Variants in LIPA observed in about 807,000 individuals in gnomAD.
LIPA encodes lysosomal acid lipase/cholesteryl ester hydrolase.
Under a neutral mutation model 40.6 loss-of-function variants are expected in LIPA, and 26 were observed. That is an observed-to-expected ratio of 0.64 (90% CI 0.47 to 0.89). The LOEUF is 0.89. Ranked by LOEUF, LIPA falls within the 40% of genes least tolerant of loss-of-function variation. LIPA has a pLI of 0.00. For missense variants in LIPA, 455 were observed against 479.6 expected (o/e 0.95, Z 0.48); for synonymous variants, 188 against 168.4 (o/e 1.12, Z -0.90).
At chr10:89,320,905 A>G (rs1338387115) in intron 1 of LIPA, among the ~76,000 whole-genome samples, 1 of 152,090 alleles carries the variant, frequency 6.6e-6, no homozygotes, top group Non-Finnish European at 1.5e-5. Flanking sequence ...GCCCTCAGAA[A>G]TAATACCACA....
intron 1 of LIPA, among the ~76,000 whole-genome samples, chr10:89,262,383 C>T (rs1843215313): frequency 6.6e-6 from 1 of 152,226 alleles, no homozygotes; most frequent in African/African-American, 2.4e-5. Context: ...TTTGCCTCTG[C>T]ATTCTCCATT....
At chr10:89,221,026 A>G (rs752736863) in intron 8 of LIPA, among the ~76,000 whole-genome samples, 2 of 152,066 alleles carry the variant, frequency 1.3e-5, no homozygotes, top group East Asian at 1.9e-4. Context: ...CTAAGCTACA[A>G]TGACAGGAAG....
At chr10:89,388,113 C>T (rs1033912131) in intron 2 of LIPA, among the ~76,000 whole-genome samples, 3 of 149,366 alleles carry the variant, frequency 2.0e-5, no homozygotes, top group Admixed American at 6.7e-5. Flanking sequence ...GAAAAAAATT[C>T]TTTTTTTTTT....
chr10:89,239,911 A>C (rs1246324352), intron 3 of LIPA, among the ~76,000 whole-genome samples: 1 of 152,166 alleles, frequency 6.6e-6, no homozygotes, highest in Non-Finnish European at 1.5e-5. Flanking sequence ...TCTCCATGCC[A>C]AATTGCCTGT....
chr10:89,370,180 T>C (rs895196162), intron 2 of LIPA, among the ~76,000 whole-genome samples: 3 of 152,282 alleles, frequency 2.0e-5, no homozygotes, highest in South Asian at 2.1e-4. Flanking sequence ...TAGTAATATA[T>C]AGCTAGCGGT....
intron 1 of LIPA, among the ~76,000 whole-genome samples, chr10:89,317,719 C>T (rs1337970973): frequency 6.6e-6 from 1 of 152,108 alleles, no homozygotes; most frequent in Admixed American, 6.6e-5. Flanking sequence ...ACGGAGAACG[C>T]CACAAAGATA....
chr10:89,356,681 A>G (rs571221027), intron 2 of LIPA, among the ~76,000 whole-genome samples: 19 of 152,192 alleles, frequency 1.2e-4, no homozygotes, highest in Admixed American at 3.9e-4. Flanking sequence ...CTGATTCTAC[A>G]TTATAGTGAG....
Position 89,328,228 on chromosome 10 carries a change from G to T in LIPA, c.-2+14383C>A. ...TCTGAGCATTTGTAAGATGTTTGAG[G>T]GGTTTTTCCCTGTGGCTTTTTTTGG... On this transcript the variant is annotated intron_variant, in intron 1 of 5. Coordinates refer to the LIPA transcript ENST00000282673. 3 of 865,618 alleles carry T rather than the reference G, an allele frequency of 3.5e-6. No individual in the cohort carries two copies. In the East Asian group the frequency reaches 8.3e-5, roughly 24 times the overall value. 53.6% of individuals were successfully genotyped at this position (865,618 alleles called of 1,614,324 possible).
At chr10:89,312,758 G>A (rs1015815538) in intron 1 of LIPA, among the ~76,000 whole-genome samples, 3 of 151,414 alleles carry the variant, frequency 2.0e-5, no homozygotes, top group Admixed American at 6.6e-5. Flanking sequence ...GCAGTGAGCC[G>A]AGATTGCACC....
chr10:89,403,721 A>C (rs1844482303), intron 2 of LIPA: 1 of 1,430,950 alleles, frequency 7.0e-7, no homozygotes, highest in South Asian at 1.3e-5. Context: ...AGGCACCCAG[A>C]TATCAGCCAC....
intron 1 of LIPA, among the ~76,000 whole-genome samples, chr10:89,276,475 A>G (rs541070339): frequency 1.4e-4 from 21 of 152,360 alleles, no homozygotes; most frequent in African/African-American, 5.1e-4. Context: ...TTGGTTAACT[A>G]TAATACACCA....
At chr10:89,332,282 G>A (rs1438322066) in intron 1 of LIPA, among the ~76,000 whole-genome samples, 1 of 152,206 alleles carries the variant, frequency 6.6e-6, no homozygotes, top group African/African-American at 2.4e-5. Context: ...CAGTTTTCAG[G>A]GCTTAACTTT....
chr10:89,384,743 G>C, intron 2 of LIPA: 1 of 1,590,284 alleles, frequency 6.3e-7, no homozygotes, highest in Non-Finnish European at 8.6e-7. Flanking sequence ...TTTTAACATA[G>C]AGGTCACCAT....
chr10:89,295,202 G>A (rs1843406122), intron 1 of LIPA, among the ~76,000 whole-genome samples: 1 of 151,866 alleles, frequency 6.6e-6, no homozygotes, highest in Admixed American at 6.6e-5. Context: ...ATATAGGTGG[G>A]AACACATTGT....
At chr10:89,345,313 G>A (rs1843910603), upstream of LIPA, among the ~76,000 whole-genome samples, 1 of 152,130 alleles carries the variant, frequency 6.6e-6, no homozygotes, top group Non-Finnish European at 1.5e-5. Context: ...CAGATTGCCT[G>A]AGGTCAGGAG....
At chr10:89,306,797 G>A (rs1461349468) in intron 1 of LIPA, 8 of 1,613,966 alleles carry the variant, frequency 5.0e-6, no homozygotes, top group Non-Finnish European at 8.5e-7. Flanking sequence ...ACCAAACAAT[G>A]CCTACCTGCA....
At chr10:89,307,354 A>G in intron 1 of LIPA, 4 of 1,602,858 alleles carry the variant, frequency 2.5e-6, no homozygotes, top group Non-Finnish European at 3.4e-6. Context: ...TCCCTTCAGC[A>G]TCAAGCTGGA....
intron 2 of LIPA, chr10:89,383,534 G>GCTTGAAAAAGGCTGAAGA: frequency 6.2e-7 from 1 of 1,614,212 alleles, no homozygotes; most frequent in Non-Finnish European, 8.5e-7. Flanking sequence ...GCCCTGGTCA[G>GCTTGAAAAAGGCTGAAGA]CTTGAAAAAG....
chr10:89,374,330 C>G (rs957213384), intron 2 of LIPA, among the ~76,000 whole-genome samples: 1 of 150,492 alleles, frequency 6.6e-6, no homozygotes, highest in Non-Finnish European at 1.5e-5. Context: ...TTTGTAGACA[C>G]AGACACACAC....
Sources: gnomAD v4.1 joint callset for allele counts (sites outside exome capture counted in the v4.1 genomes callset) on GRCh38, gnomAD v4.1.1 for gene constraint, MANE v1.5 for transcripts, NCBI Gene and HGNC (gene_info 2026-07-23, HGNC 2026-07-21) for gene names.